Variants in MYL4 observed in about 807,000 individuals in gnomAD.
The protein encoded by MYL4 is atrial myosin light chain 1.
In MYL4, 16 loss-of-function variants were observed where a neutral mutation model predicts 21.6. That is an observed-to-expected ratio of 0.74 (90% CI 0.50 to 1.12). The LOEUF (loss-of-function observed/expected upper bound fraction) is 1.12. Among genes scored for constraint, MYL4 ranks in the 50% most tolerant of loss-of-function variants. The pLI is 0.00. For synonymous variants in MYL4, 82 were observed against 95.7 expected, an observed-to-expected ratio of 0.86 and a Z score of 0.83; for missense variants, 249 against 252.9, an observed-to-expected ratio of 0.98 and a Z score of 0.11.
intron 1 of MYL4, among the ~76,000 whole-genome samples, chr17:47,210,719 C>A (rs2064767588): frequency 6.6e-6 from 1 of 152,124 alleles, no homozygotes; most frequent in Non-Finnish European, 1.5e-5. Flanking sequence ...AGACCCAGTC[C>A]CCGCAAGGGA....
chr17:47,224,267 CA>C (rs2064877072), downstream of MYL4, among the ~76,000 whole-genome samples: 1 of 152,092 alleles, frequency 6.6e-6, no homozygotes, highest in Admixed American at 6.5e-5. Flanking sequence ...CAAGGAGGAG[CA>C]AAGGCACATC....
At chr17:47,214,435 C>T (rs912809774) in intron 2 of MYL4, among the ~76,000 whole-genome samples, 1 of 152,168 alleles carries the variant, frequency 6.6e-6, no homozygotes, top group Admixed American at 6.5e-5. Context: ...TAAAGCAGGA[C>T]TCAATGTCAT....
At chr17:47,221,910 G>A in intron 4 of MYL4, 55 bp downstream of exon 4, 1 of 1,573,940 alleles carries the variant, frequency 6.4e-7, no homozygotes, top group Non-Finnish European at 8.6e-7. Context: ...GGGGTGGGAG[G>A]TGCCAAGGTG....
chr17:47,212,145 G>A (rs2064780510), intron 1 of MYL4, among the ~76,000 whole-genome samples: 2 of 152,042 alleles, frequency 1.3e-5, no homozygotes, highest in Non-Finnish European at 2.9e-5. Context: ...GAACTTGGGA[G>A]GCGAAGGTCG....
chr17:47,225,738 C>T (rs573456041), downstream of MYL4, among the ~76,000 whole-genome samples: 4 of 152,136 alleles, frequency 2.6e-5, no homozygotes, highest in Non-Finnish European at 2.9e-5. Context: ...GTCCCTACCT[C>T]GCAGACTGCT....
intron 1 of MYL4, chr17:47,209,848 C>A: frequency 1.8e-6 from 1 of 540,984 alleles, no homozygotes; most frequent in Non-Finnish European, 3.3e-6. Context: ...ACCAACCATC[C>A]ATCCACCCTT....
At chr17:47,225,557 C>A (rs950075543), downstream of MYL4, among the ~76,000 whole-genome samples, 1 of 152,174 alleles carries the variant, frequency 6.6e-6, no homozygotes, top group Non-Finnish European at 1.5e-5. Flanking sequence ...GTCAGACTTC[C>A]TAAGAGTCAA....
rs141266615 is a variant in MYL4 at position 47,218,960 on chromosome 17, G to C, written c.164-944G>C. On this transcript the variant is annotated intron_variant, in intron 2 of 6. Coordinates refer to ENST00000393450, the MANE Select transcript of MYL4 (RefSeq NM_002476.2). ...AAGTAGGAAAGAGAACTAGGAAACA[G>C]CTGTAACCACAATTTGTCGATTCCC... 2.7e-3 allele frequency among the ~76,000 whole-genome samples: 411 copies of C among 152,344 alleles called. 2 individuals are homozygous for C. Among genetic ancestry groups the C allele is most frequent in the Non-Finnish European group, 4.0e-3 (269 of 68,036 alleles).
upstream of MYL4, among the ~76,000 whole-genome samples, chr17:47,195,833 ACT>A (rs2064687495): frequency 6.6e-6 from 1 of 150,956 alleles, no homozygotes; most frequent in South Asian, 2.1e-4. Context: ...TACTCCCATC[ACT>A]CTTTGCTGTA....
chr17:47,201,731 T>C (rs8080767), intron 1 of MYL4, among the ~76,000 whole-genome samples: 147,496 of 152,170 alleles, frequency 0.97, 71,652 homozygotes, highest in East Asian at 1. Context: ...GCCAGGATTA[T>C]AGGCGTGAGC....
chr17:47,215,885 G>T (rs2064809769), intron 2 of MYL4, among the ~76,000 whole-genome samples: 1 of 152,076 alleles, frequency 6.6e-6, no homozygotes, highest in Non-Finnish European at 1.5e-5. Context: ...TGAATTCCTG[G>T]TTTTAAGCAA....
chr17:47,211,271 G>C (rs1193370627), intron 1 of MYL4, among the ~76,000 whole-genome samples: 1 of 152,154 alleles, frequency 6.6e-6, no homozygotes, highest in African/African-American at 2.4e-5. Flanking sequence ...AGAGAAGCCA[G>C]ATGAGGTGAT....
At chr17:47,206,193 CCA>C (rs2064727619), upstream of MYL4, among the ~76,000 whole-genome samples, 1 of 152,164 alleles carries the variant, frequency 6.6e-6, no homozygotes, top group Admixed American at 6.5e-5. Context: ...CTGTCTACCT[CCA>C]GAGTCCACAG....
intron 2 of MYL4, among the ~76,000 whole-genome samples, chr17:47,216,960 C>T (rs1431431980): frequency 6.6e-6 from 1 of 152,192 alleles, no homozygotes; most frequent in Non-Finnish European, 1.5e-5. Flanking sequence ...TCCCAAAGTA[C>T]TGGGATTACA....
At chr17:47,220,916 C>T (rs1228377471) in intron 3 of MYL4, among the ~76,000 whole-genome samples, 1 of 152,080 alleles carries the variant, frequency 6.6e-6, no homozygotes, top group Non-Finnish European at 1.5e-5. Context: ...TGGTTTCCTC[C>T]CCATCCCTTG....
intron 2 of MYL4, among the ~76,000 whole-genome samples, chr17:47,216,422 A>T (rs1319720651): frequency 6.6e-6 from 1 of 151,970 alleles, no homozygotes; most frequent in South Asian, 2.1e-4. Context: ...AGTTATAACA[A>T]GCAGGTCTCC....
At chr17:47,213,903 G>A (rs772592691) in intron 2 of MYL4, 77 bp downstream of exon 2, 6 of 1,488,440 alleles carry the variant, frequency 4.0e-6, no homozygotes, top group South Asian at 2.3e-5. Context: ...AGAAGAGGAG[G>A]AGTAGTTGTC....
intron 1 of MYL4, chr17:47,200,669 C>G (rs180894273): frequency 6.6e-6 from 1 of 152,414 alleles, no homozygotes; most frequent in East Asian, 1.9e-4. Context: ...TGCTTTAGAT[C>G]CCTAGGTAGA....
chr17:47,200,969 T>G (rs1200426240), intron 1 of MYL4, among the ~76,000 whole-genome samples: 3 of 152,138 alleles, frequency 2.0e-5, no homozygotes, highest in Non-Finnish European at 4.4e-5. Flanking sequence ...GTCAGGAGTT[T>G]GAGACCATCC....
Sources: gnomAD v4.1 joint callset for allele counts (sites outside exome capture counted in the v4.1 genomes callset) on GRCh38, gnomAD v4.1.1 for gene constraint, MANE v1.5 for transcripts, NCBI Gene and HGNC (gene_info 2026-07-23, HGNC 2026-07-21) for gene names.